Variants in NBAS observed in about 807,000 individuals in gnomAD.
The protein encoded by NBAS is NBAS subunit of NRZ tethering complex, also known as NAG/BC035112 fusion.
NBAS carries 219 observed loss-of-function variants against 302.5 expected under a neutral mutation model. That is an observed-to-expected ratio of 0.72 (90% CI 0.65 to 0.81). The LOEUF (loss-of-function observed/expected upper bound fraction) is 0.81, where lower values mean the gene tolerates loss of function less well. NBAS is among the 30% of genes least tolerant of loss of function. The probability of loss-of-function intolerance (pLI) is 0.00; values close to 1 mark genes in which losing one functional copy is unlikely to be tolerated. For synonymous variants in NBAS, 1,118 were observed against 1,021.6 expected (o/e 1.09, Z -1.80); for missense variants, 2,932 against 2,841.6 (o/e 1.03, Z -0.72).
rs1427728133 is a variant in NBAS, at chr2:15,186,784, C to T, written c.6669G>A (p.Met2223Ile). The T allele has an allele frequency of 1.2e-6, 2 of 1,613,884 alleles. No individual in the cohort carries two copies. Among genetic ancestry groups the T allele is most frequent in the African/African-American group, 1.3e-5 (1 of 74,980 alleles). The change falls in exon 50 of 52, where the codon ATG becomes ATA. Residue 2223 changes from methionine (M) to isoleucine (I), a missense_variant. By Grantham distance (10) the Met-to-Ile change is conservative. Coordinates refer to ENST00000281513, the MANE Select transcript of NBAS (RefSeq NM_015909.4). ...GCTTGGTGTTATACAAAGAGCGACACATTTTCAAAACTTCATTCCCCAATC... is the reference window on the plus strand; with the variant it reads ...GCTTGGTGTTATACAAAGAGCGACATATTTTCAAAACTTCATTCCCCAATC... ...KEGLGNEVLK[M>I]CRSLYNTKQM...
chr2:15,032,684 A>T, the NBAS span, among the ~76,000 whole-genome samples: 3 of 152,196 alleles, frequency 2.0e-5, no homozygotes, highest in African/African-American at 7.2e-5. Flanking sequence ...AGCATCAAGG[A>T]TATGGTGGAG....
the NBAS span, among the ~76,000 whole-genome samples, chr2:15,152,092 C>T: frequency 2.6e-4 from 39 of 152,250 alleles, 1 homozygote; most frequent in African/African-American, 7.7e-4. Context: ...TCAAGTGATC[C>T]GCCTGCCTCG....
intron 32 of NBAS, among the ~76,000 whole-genome samples, chr2:15,365,670 C>G (rs1195658375): frequency 6.6e-6 from 1 of 152,138 alleles, no homozygotes; most frequent in Admixed American, 6.5e-5. Flanking sequence ...GATGCTATAC[C>G]TTCACACAGA....
chr2:15,182,950 A>G (rs913526581), intron 50 of NBAS, among the ~76,000 whole-genome samples: 1 of 152,158 alleles, frequency 6.6e-6, no homozygotes, highest in Non-Finnish European at 1.5e-5. Flanking sequence ...AATGGAGATG[A>G]AGAAAAAGGT....
the NBAS span, among the ~76,000 whole-genome samples, chr2:15,155,793 G>C: frequency 6.6e-6 from 1 of 152,156 alleles, no homozygotes; most frequent in Non-Finnish European, 1.5e-5. Flanking sequence ...CTGTTGAAAA[G>C]TTTCAGCCCA....
intron 45 of NBAS, among the ~76,000 whole-genome samples, chr2:15,238,036 A>T (rs529048807): frequency 1.3e-5 from 2 of 151,980 alleles, no homozygotes; most frequent in African/African-American, 4.8e-5. Context: ...TGGCCTCCCT[A>T]AGTGCTGGGA....
chr2:15,290,481 T>C (rs1414881081), intron 41 of NBAS, among the ~76,000 whole-genome samples: 1 of 152,222 alleles, frequency 6.6e-6, no homozygotes, highest in Non-Finnish European at 1.5e-5. Flanking sequence ...CCAAAAACTC[T>C]AGCAAAATGT....
At position 15,286,694 on chromosome 2, in the gene NBAS, CCAATTGAGCT is replaced by C. The variant is rs546561003; in HGVS notation, c.5138+369_5138+378del. On this transcript the variant is annotated intron_variant, in intron 42 of 51. Coordinates refer to ENST00000281513, the MANE Select transcript of NBAS (RefSeq NM_015909.4). ...GCCTTTGCTAACTATGCCAAACCCTCCAATTGAGCTCAATTACACAGTACTTATCAGTTTT... is the reference window on the plus strand; with the variant it reads ...GCCTTTGCTAACTATGCCAAACCCTCCAATTACACAGTACTTATCAGTTTT... Among the ~76,000 whole-genome samples, 16 of 152,334 alleles carry C rather than the reference CCAATTGAGCT, an allele frequency of 1.1e-4. No homozygotes were observed. In the East Asian group the frequency reaches 2.9e-3, roughly 28 times the overall value.
At chr2:15,439,843 C>G (rs1029404781) in intron 21 of NBAS, among the ~76,000 whole-genome samples, 15 of 152,226 alleles carry the variant, frequency 9.9e-5, no homozygotes, top group African/African-American at 3.6e-4. Flanking sequence ...AATGGTGCAT[C>G]AGGAGATTAT....
chr2:14,846,010 A>C, the NBAS span, among the ~76,000 whole-genome samples: 1 of 152,232 alleles, frequency 6.6e-6, no homozygotes, highest in Non-Finnish European at 1.5e-5. Flanking sequence ...AATAACACAG[A>C]ATGTCCCAAA....
At chr2:15,433,956 A>C (rs1342692228) in intron 21 of NBAS, among the ~76,000 whole-genome samples, 2 of 151,698 alleles carry the variant, frequency 1.3e-5, no homozygotes, top group African/African-American at 4.8e-5. Flanking sequence ...AAAAGGAAAA[A>C]AAAAAAGAAA....
the NBAS span, among the ~76,000 whole-genome samples, chr2:15,069,256 T>A: frequency 6.6e-6 from 1 of 152,202 alleles, no homozygotes; most frequent in Non-Finnish European, 1.5e-5. Flanking sequence ...CCTCTTTAAG[T>A]CTGACTTGTC....
At chr2:14,844,327 A>G in the NBAS span, among the ~76,000 whole-genome samples, 5 of 152,240 alleles carry the variant, frequency 3.3e-5, no homozygotes, top group East Asian at 9.7e-4. Context: ...ACTGCCTTGA[A>G]GGGAAGGAGC....
chr2:15,426,061 T>A (rs1262777524), intron 22 of NBAS, among the ~76,000 whole-genome samples: 1 of 152,214 alleles, frequency 6.6e-6, no homozygotes, highest in East Asian at 1.9e-4. Context: ...AACTCTACAC[T>A]ATCAATTACC....
the NBAS span, among the ~76,000 whole-genome samples, chr2:15,158,079 C>T: frequency 1.7e-4 from 26 of 152,266 alleles, no homozygotes; most frequent in African/African-American, 5.3e-4. Context: ...CCTGCAAGGC[C>T]ATCCCGTGCA....
chr2:15,036,433 T>G, the NBAS span, among the ~76,000 whole-genome samples: 1 of 152,160 alleles, frequency 6.6e-6, no homozygotes, highest in Non-Finnish European at 1.5e-5. Flanking sequence ...AAAGACACAA[T>G]CCCTGCAAGG....
At chr2:14,790,229 C>A in the NBAS span, among the ~76,000 whole-genome samples, 4 of 152,178 alleles carry the variant, frequency 2.6e-5, no homozygotes, top group Admixed American at 6.5e-5. Flanking sequence ...TGATCTTAGA[C>A]AAATCATTAC....
intron 51 of NBAS, among the ~76,000 whole-genome samples, chr2:15,168,054 T>G (rs1664117369): frequency 6.6e-6 from 1 of 152,222 alleles, no homozygotes; most frequent in African/African-American, 2.4e-5. Context: ...TTCTCCCTGG[T>G]CTTGTCTTCT....
intron 44 of NBAS, among the ~76,000 whole-genome samples, chr2:15,268,788 C>T (rs1370880965): frequency 6.6e-6 from 1 of 152,168 alleles, no homozygotes; most frequent in African/African-American, 2.4e-5. Context: ...AACAATAAAG[C>T]TGGTATTTTC....
Sources: gnomAD v4.1 joint callset for allele counts (sites outside exome capture counted in the v4.1 genomes callset) on GRCh38, gnomAD v4.1.1 for gene constraint, MANE v1.5 for transcripts, NCBI Gene and HGNC (gene_info 2026-07-23, HGNC 2026-07-21) for gene names.